The following TRIO variants were observed in gnomAD, a reference collection of about 807,000 sequenced individuals.
TRIO encodes the protein trio Rho guanine nucleotide exchange factor.
A neutral mutation model predicts 351.9 loss-of-function variants in TRIO; 58 were observed. That is an observed-to-expected ratio of 0.16 (90% confidence interval 0.13 to 0.21). The LOEUF is 0.21. Among genes scored for constraint, TRIO ranks in the 10% least tolerant of loss-of-function variants. The probability of loss-of-function intolerance (pLI) is 1.00; values close to 1 mark genes in which losing one functional copy is unlikely to be tolerated. For synonymous variants in TRIO, 1,758 were observed against 1,595.7 expected (o/e 1.10, Z -2.42); for missense variants, 3,201 against 4,027.8 (o/e 0.79, Z 5.56).
chr5:14,312,228 C>T (rs1185143565), intron 8 of TRIO, among the ~76,000 whole-genome samples: 1 of 152,172 alleles, frequency 6.6e-6, no homozygotes, highest in East Asian at 1.9e-4. Flanking sequence ...ATCCAAGTTA[C>T]AAGTCTATGT....
Position 14,497,797 on chromosome 5 carries a change from C to T in TRIO, c.8020-50C>T. 3.1e-6 allele frequency: 5 copies of T among 1,611,420 alleles called. No individual in the cohort carries two copies. The highest frequency in any genetic ancestry group is 4.2e-6 in the Non-Finnish European group (5 of 1,177,506). On this transcript the variant is annotated intron_variant, in intron 50 of 56. Coordinates refer to ENST00000344204, the MANE Select transcript of TRIO (RefSeq NM_007118.4). This position sits in a 1 kb window ranked among gnomAD's most constrained non-coding sequence, Gnocchi z 4.4. ...GTAGCCCTGGAATGAAAGGAATACACCTTAAAGTAGCTCATTTCAGTTAAT... is the reference window on the plus strand; with the variant it reads ...GTAGCCCTGGAATGAAAGGAATACATCTTAAAGTAGCTCATTTCAGTTAAT...
chr5:14,357,575 A>C (rs900546347), intron 11 of TRIO, among the ~76,000 whole-genome samples: 5 of 151,950 alleles, frequency 3.3e-5, no homozygotes, highest in African/African-American at 1.2e-4. Context: ...TTCAGCATGC[A>C]CACTCTTTCC....
intron 8 of TRIO, among the ~76,000 whole-genome samples, chr5:14,316,086 G>A (rs1282804120): frequency 1.2e-4 from 19 of 152,172 alleles, no homozygotes; most frequent in Non-Finnish European, 1.5e-5. Context: ...ATGATCTGCT[G>A]TATTCTCTTT....
chr5:14,484,963 G>A (rs1021469551), intron 46 of TRIO, 106 bp from the exon 47 acceptor site: 3 of 1,229,090 alleles, frequency 2.4e-6, no homozygotes, highest in Non-Finnish European at 3.3e-6. Flanking sequence ...CTGAAAAACT[G>A]TCCACATAGC....
At chr5:14,423,040 T>C (rs1029777670) in intron 34 of TRIO, among the ~76,000 whole-genome samples, 2 of 152,226 alleles carry the variant, frequency 1.3e-5, no homozygotes. Flanking sequence ...CGGCCAGCCT[T>C]CGTGTCTGAT....
At chr5:14,226,521 T>C (rs1429500218) in intron 1 of TRIO, among the ~76,000 whole-genome samples, 1 of 152,218 alleles carries the variant, frequency 6.6e-6, no homozygotes, top group Non-Finnish European at 1.5e-5. Flanking sequence ...AATCTGAACA[T>C]TCTTTTTGAA....
rs200727118 is a variant in TRIO, at chr5:14,488,068, G to T, written c.7440G>T (p.Gln2480His). The T allele has an allele frequency of 5.2e-5, 83 of 1,610,150 alleles. No individual in the cohort carries two copies. In the East Asian group the frequency reaches 1.8e-3, roughly 35 times the overall value. ...KEPFPPSSPL[Q>H]KGGSFWSSIP... The stretch of plus-strand genomic sequence containing the variant: ...CCTTCCCCCCCAGCAGCCCCCTGCA[G>T]AAGGGGGGCTCCTTCTGGAGCTCCA... Residue 2480 changes from glutamine to histidine, a missense_variant, in exon 48 of 57, where the codon CAG (glutamine) becomes CAT (histidine). By Grantham distance (24) the Gln-to-His change is conservative. This residue lies in a region of TRIO where 1,089 missense variants were observed against 954.9 expected (regional missense o/e 1.14). Transcript: ENST00000344204.
intron 28 of TRIO, among the ~76,000 whole-genome samples, chr5:14,394,746 A>G (rs956038965): frequency 1.3e-5 from 2 of 152,216 alleles, no homozygotes; most frequent in African/African-American, 2.4e-5. Context: ...GTGAGTGACT[A>G]TAGTTAAAAT....
At chr5:14,373,678 T>A (rs1429326011) in intron 18 of TRIO, among the ~76,000 whole-genome samples, 1 of 152,220 alleles carries the variant, frequency 6.6e-6, no homozygotes, top group Non-Finnish European at 1.5e-5. Context: ...CAACCAGGGT[T>A]GGCAAGTTCT....
chr5:14,464,573 T>C (rs1754104777), intron 36 of TRIO, among the ~76,000 whole-genome samples: 1 of 152,210 alleles, frequency 6.6e-6, no homozygotes, highest in African/African-American at 2.4e-5. Flanking sequence ...TTTGAATTTT[T>C]TTCTTTGTTT....
chr5:14,492,078 C>T (rs1247517335), intron 48 of TRIO, among the ~76,000 whole-genome samples: 1 of 152,162 alleles, frequency 6.6e-6, no homozygotes, highest in African/African-American at 2.4e-5. Context: ...GTATGCATTC[C>T]CAATGAACAT....
intron 1 of TRIO, among the ~76,000 whole-genome samples, chr5:14,188,280 G>A (rs1233872204): frequency 2.0e-5 from 3 of 152,160 alleles, no homozygotes; most frequent in Non-Finnish European, 4.4e-5. Context: ...ATGCTGCCAT[G>A]TATTGTTCTC....
At chr5:14,422,683 C>T (rs1195133198) in intron 34 of TRIO, among the ~76,000 whole-genome samples, 3 of 152,132 alleles carry the variant, frequency 2.0e-5, no homozygotes, top group Non-Finnish European at 2.9e-5. Flanking sequence ...TTTCTTTTAT[C>T]GGCTATATAT....
chr5:14,416,519 T>C (rs1749658103), intron 33 of TRIO, among the ~76,000 whole-genome samples: 1 of 152,174 alleles, frequency 6.6e-6, no homozygotes, highest in Non-Finnish European at 1.5e-5. Flanking sequence ...CTTTGAAATA[T>C]TCTGTTGTTG....
intron 27 of TRIO, among the ~76,000 whole-genome samples, chr5:14,392,173 T>C (rs1579516649): frequency 6.6e-6 from 1 of 152,242 alleles, no homozygotes; most frequent in East Asian, 1.9e-4. Context: ...GAGGAAATTT[T>C]TGCAGTCTAG....
At chr5:14,328,507 G>A (rs769222396) in intron 9 of TRIO, among the ~76,000 whole-genome samples, 10 of 152,304 alleles carry the variant, frequency 6.6e-5, no homozygotes, top group Non-Finnish European at 1.2e-4. Context: ...AAAATAATGC[G>A]CTCAATACGC....
chr5:14,243,597 G>A (rs1794256585), intron 1 of TRIO, among the ~76,000 whole-genome samples: 3 of 151,790 alleles, frequency 2.0e-5, no homozygotes, highest in Admixed American at 1.3e-4. Context: ...GTAATATTCT[G>A]GACTAAAAAA....
chr5:14,301,460 G>C (rs1737876045), intron 7 of TRIO, among the ~76,000 whole-genome samples: 1 of 152,052 alleles, frequency 6.6e-6, no homozygotes, highest in Non-Finnish European at 1.5e-5. Flanking sequence ...CAGCTGCTCT[G>C]ATCTCATTAG....
intron 2 of TRIO, among the ~76,000 whole-genome samples, chr5:14,278,264 G>GCC (rs1259829318): frequency 1.3e-5 from 2 of 152,166 alleles, no homozygotes; most frequent in African/African-American, 2.4e-5. Context: ...GATCAGAATG[G>GCC]CCGTGCGCAT....
Sources: allele counts gnomAD v4.1 joint callset (sites outside exome capture counted in the v4.1 genomes callset), GRCh38; gene constraint gnomAD v4.1.1; regional missense constraint gnomAD v4.1.1; non-coding constraint Gnocchi (gnomAD v3.1); transcripts MANE v1.5; gene names NCBI Gene and HGNC (gene_info 2026-07-23, HGNC 2026-07-21).